The following NR5A2 variants were observed in gnomAD, a reference collection of about 807,000 sequenced individuals.
NR5A2 encodes CYP7A promoter-binding factor.
NR5A2 carries 26 observed loss-of-function variants against 62.7 expected under a neutral mutation model. The ratio of observed to expected loss-of-function variants is 0.41; its 90% CI spans 0.30 to 0.58. The LOEUF (loss-of-function observed/expected upper bound fraction) is 0.58, where lower values mean the gene tolerates loss of function less well. NR5A2 is among the 20% of genes least tolerant of loss of function. NR5A2 has a pLI of 0.22. For missense variants in NR5A2, 541 were observed against 669.1 expected, an observed-to-expected ratio of 0.81 and a Z score of 2.11; for synonymous variants, 246 against 241.7, an observed-to-expected ratio of 1.02 and a Z score of -0.16.
chr1:200,030,996 C>T (rs1030362348), intron 1 of NR5A2, among the ~76,000 whole-genome samples: 2 of 152,264 alleles, frequency 1.3e-5, no homozygotes, highest in Non-Finnish European at 2.9e-5. Context: ...GTGTGATAGC[C>T]ATTATGTCAC....
Position 200,173,936 on chromosome 1 carries a change from CTTTT to C in NR5A2, c.1379-11_1379-8del, listed in dbSNP as rs3034024. 0.27 allele frequency: 329,797 copies of C among 1,204,886 alleles called. 10,436 individuals carry two copies. Among genetic ancestry groups the C allele is most frequent in the African/African-American group, 0.42 (24,321 of 58,528 alleles). The allele number at this position is 1,204,886 out of a possible 1,614,324, so 74.6% of individuals were successfully genotyped here. A position where few individuals can be genotyped will look rare whatever the true frequency, so the allele number is the denominator to read the frequency against. On this transcript the variant is annotated intron_variant, in intron 7 of 7. Coordinates refer to ENST00000367362, the MANE Select transcript of NR5A2 (RefSeq NM_205860.3). ...GAATTGAAATGCTATTGAAATGTTG[CTTTT>C]TTTTTTTTTTTTTTTAATGCAGATG... is the stretch of plus-strand genomic sequence containing the variant.
In NR5A2 at chr1:200,155,606, C is replaced by T. The variant is rs368953776; in HGVS notation, c.1379-18357C>T. 1.2e-4 allele frequency among the ~76,000 whole-genome samples: 18 copies of T among 152,294 alleles called. No individual in the cohort carries two copies. The South Asian group carries it at 3.1e-3, about 26-fold the overall frequency. ...ATGTATTTCACTATTTTGGAACTTA[C>T]AAAGCTATTCCTGATTTCCTTCTGT... On this transcript the variant is annotated intron_variant, in intron 7 of 7. Coordinates refer to ENST00000367362, the MANE Select transcript of NR5A2 (RefSeq NM_205860.3).
intron 5 of NR5A2, among the ~76,000 whole-genome samples, chr1:200,054,986 T>C (rs1195567486): frequency 2.6e-5 from 4 of 151,920 alleles, no homozygotes; most frequent in African/African-American, 7.3e-5. Context: ...AGCCTTGACC[T>C]TGTGGCCTCA....
In NR5A2 at chr1:200,147,154, T is replaced by G. The variant is rs944513911; in HGVS notation, c.1378+26199T>G. On this transcript the variant is annotated intron_variant, in intron 7 of 7. Coordinates refer to ENST00000367362, the MANE Select transcript of NR5A2 (RefSeq NM_205860.3). This position sits in a 1 kb window ranked among gnomAD's most constrained non-coding sequence, Gnocchi z 4.9. ...TGTTTCCGAAAAAAGTGGGCTGTGA[T>G]GCAAGGTACTGTGAGATAAAGAAGC... 3.3e-5 allele frequency among the ~76,000 whole-genome samples: 5 copies of G among 152,190 alleles called. No homozygotes were observed. Among genetic ancestry groups the G allele is most frequent in the Non-Finnish European group, 5.9e-5 (4 of 68,024 alleles).
chr1:200,069,395 G>A (rs944411892), intron 5 of NR5A2, among the ~76,000 whole-genome samples: 14 of 151,854 alleles, frequency 9.2e-5, no homozygotes, highest in African/African-American at 3.1e-4. Context: ...TGAGTAACAC[G>A]GATTATAGGC....
chr1:200,117,161 AAG>A (rs1666256873), intron 6 of NR5A2, among the ~76,000 whole-genome samples: 1 of 152,240 alleles, frequency 6.6e-6, no homozygotes, highest in South Asian at 2.1e-4. Context: ...GATTACATGT[AAG>A]AGAGCAAAAA....
chr1:200,082,554 C>T (rs1664345646), intron 5 of NR5A2, among the ~76,000 whole-genome samples: 1 of 152,004 alleles, frequency 6.6e-6, no homozygotes, highest in Non-Finnish European at 1.5e-5. Flanking sequence ...AATGTAGGGT[C>T]AATAGGAATT....
chr1:200,045,432 C>T lies in NR5A2; in HGVS notation c.322-11C>T, dbSNP rs41300849. 134,837 of 1,562,174 alleles carry T rather than the reference C, an allele frequency of 0.086. 6,308 individuals carry two copies. The highest frequency in any genetic ancestry group is 0.096 in the Non-Finnish European group (110,684 of 1,157,588). On this transcript the variant is annotated splice_polypyrimidine_tract_variant and intron_variant, in intron 3 of 7. Coordinates refer to ENST00000367362, the MANE Select transcript of NR5A2 (RefSeq NM_205860.3). ...TTTATAATACGTCTCACTATTTTCTCTGTCTTATAGGGATTTTTTAAGCGA... is the reference window on the plus strand; with the variant it reads ...TTTATAATACGTCTCACTATTTTCTTTGTCTTATAGGGATTTTTTAAGCGA...
chr1:200,047,273 C>T (rs1662411461), intron 4 of NR5A2, among the ~76,000 whole-genome samples: 1 of 152,174 alleles, frequency 6.6e-6, no homozygotes, highest in African/African-American at 2.4e-5. Context: ...TCCAATTCTA[C>T]TTAAATTAAA....
intron 7 of NR5A2, among the ~76,000 whole-genome samples, chr1:200,135,334 A>G (rs901415455): frequency 6.6e-6 from 1 of 152,060 alleles, no homozygotes; most frequent in Non-Finnish European, 1.5e-5. Flanking sequence ...CAGCCTAGCC[A>G]ACATGGTGAA....
rs1662038917 is a variant in NR5A2 at position 200,040,911 on chromosome 1, C to G, written c.202+1116C>G. ...GGTTGTGATCCGTTACCCCATCGGT[C>G]ATCCTGGGGTCTCCCCAAGCCTCTA... On this transcript the variant is annotated intron_variant, in intron 2 of 7. Transcript: ENST00000367362. Among the ~76,000 whole-genome samples the G allele has an allele frequency of 2.0e-5, 3 of 152,236 alleles. No individual in the cohort carries two copies. The South Asian group carries it at 6.2e-4, about 31-fold the overall frequency.
At chr1:200,028,924 C>A in intron 1 of NR5A2, 1 of 317,610 alleles carries the variant, frequency 3.1e-6, no homozygotes, top group South Asian at 2.5e-5. Flanking sequence ...CCAACTACAC[C>A]CTAAAGTATA....
intron 1 of NR5A2, among the ~76,000 whole-genome samples, chr1:200,035,151 C>T (rs932669169): frequency 2.0e-5 from 3 of 151,968 alleles, no homozygotes; most frequent in Non-Finnish European, 4.4e-5. Context: ...CTATCCTGGC[C>T]TAGTAATGGA....
intron 6 of NR5A2, among the ~76,000 whole-genome samples, chr1:200,115,856 C>T (rs1269641426): frequency 6.6e-6 from 1 of 151,906 alleles, no homozygotes; most frequent in Non-Finnish European, 1.5e-5. Flanking sequence ...TGATTGTACT[C>T]TCCTTTGTAA....
intron 7 of NR5A2, among the ~76,000 whole-genome samples, chr1:200,139,036 G>A (rs1259419208): frequency 6.6e-6 from 1 of 152,120 alleles, no homozygotes; most frequent in Non-Finnish European, 1.5e-5. Context: ...TCCCGTTCAT[G>A]AACATAGTTC....
chr1:200,034,511 T>C (rs1032934381), intron 1 of NR5A2, among the ~76,000 whole-genome samples: 3 of 147,470 alleles, frequency 2.0e-5, no homozygotes, highest in Admixed American at 1.4e-4. Context: ...TGAACTCTTT[T>C]TATACAAAGA....
chr1:200,073,174 A>G (rs1442529131), intron 5 of NR5A2, among the ~76,000 whole-genome samples: 1 of 150,352 alleles, frequency 6.7e-6, no homozygotes, highest in Non-Finnish European at 1.5e-5. Context: ...ACCAAAAGTC[A>G]GGTTTCAGTT....
chr1:200,056,343 G>T (rs1348096422), intron 5 of NR5A2, among the ~76,000 whole-genome samples: 1 of 152,130 alleles, frequency 6.6e-6, no homozygotes, highest in Non-Finnish European at 1.5e-5. Context: ...TATCTTGAAA[G>T]TACACCAGTC....
chr1:200,155,923 T>C (rs1194686134), intron 7 of NR5A2, among the ~76,000 whole-genome samples: 1 of 152,066 alleles, frequency 6.6e-6, no homozygotes, highest in Non-Finnish European at 1.5e-5. Context: ...ATCCACCCGC[T>C]TAGTCTCCCC....
Sources: gnomAD v4.1 joint callset for allele counts (sites outside exome capture counted in the v4.1 genomes callset) on GRCh38, gnomAD v4.1.1 for gene constraint, Gnocchi (gnomAD v3.1) non-coding constraint, MANE v1.5 for transcripts, NCBI Gene and HGNC (gene_info 2026-07-23, HGNC 2026-07-21) for gene names.